The following APP variants were observed in gnomAD, a reference collection of about 807,000 sequenced individuals.
The protein encoded by APP is amyloid beta precursor protein.
Under a neutral mutation model 101.4 loss-of-function variants are expected in APP, and 31 were observed. That is an observed-to-expected ratio of 0.31 (90% confidence interval 0.23 to 0.41). The LOEUF is 0.41. APP is among the 10% of genes least tolerant of loss of function. The probability of loss-of-function intolerance (pLI) is 1.00; values close to 1 mark genes in which losing one functional copy is unlikely to be tolerated. For synonymous variants in APP, 366 were observed against 364.4 expected (o/e 1.00, Z -0.05); for missense variants, 839 against 1,003.7 (o/e 0.84, Z 2.22).
intron 15 of APP, among the ~76,000 whole-genome samples, chr21:25,903,074 T>C (rs145089374): frequency 0.013 from 1,133 of 89,782 alleles, 17 homozygotes; most frequent in African/African-American, 0.046. Flanking sequence ...AAAAATTTTT[T>C]TTAAAAGAAT....
At chr21:25,915,894 T>C (rs2039324145) in intron 13 of APP, among the ~76,000 whole-genome samples, 1 of 152,132 alleles carries the variant, frequency 6.6e-6, no homozygotes, top group African/African-American at 2.4e-5. Context: ...ATTATATTCA[T>C]TTTCAGAAAA....
chr21:26,089,750 G>A, intron 3 of APP, 193 bp downstream of exon 3: 1 of 680,254 alleles, frequency 1.5e-6, no homozygotes, highest in East Asian at 3.1e-5. Flanking sequence ...TTCTGAGGCA[G>A]GGAACTCAAA....
rs34800671 is a variant in APP, at chr21:25,970,006, A to AAG, written c.1458+5062_1458+5063dup. Among the ~76,000 whole-genome samples, 1,132 of 146,682 alleles carry AAG rather than the reference A, an allele frequency of 7.7e-3. 11 individuals carry two copies. The highest frequency in any genetic ancestry group is 0.026 in the African/African-American group (1,019 of 39,696). ...GGCAGGAGAGAAAGAGAAACAGAGA[A>AAG]AGAGAGAGAGAGAGAGAAAATAAAT... is the stretch of plus-strand genomic sequence containing the variant. On this transcript the variant is annotated intron_variant, in intron 11 of 17. Transcript: ENST00000346798.
chr21:26,102,325 G>A (rs921245849), intron 2 of APP, among the ~76,000 whole-genome samples: 5 of 151,972 alleles, frequency 3.3e-5, no homozygotes, highest in Middle Eastern at 6.8e-3. Context: ...TCCTGACCTC[G>A]TGATCTGCCC....
chr21:26,035,551 C>A (rs944600699), intron 5 of APP, among the ~76,000 whole-genome samples: 1 of 152,150 alleles, frequency 6.6e-6, no homozygotes, highest in African/African-American at 2.4e-5. Context: ...TTAGTTGTTA[C>A]CCGTTATCAA....
chr21:26,129,526 C>T (rs2062750558), intron 1 of APP, among the ~76,000 whole-genome samples: 1 of 151,740 alleles, frequency 6.6e-6, no homozygotes, highest in African/African-American at 2.4e-5. Context: ...TGAACTAAAT[C>T]ATGGTGGTTT....
intron 3 of APP, among the ~76,000 whole-genome samples, chr21:26,059,888 C>T (rs2046198011): frequency 1.4e-5 from 1 of 69,258 alleles, no homozygotes; most frequent in African/African-American, 6.7e-5. Flanking sequence ...GAGACTCCGT[C>T]TCAAAAAAAA....
intron 1 of APP, among the ~76,000 whole-genome samples, chr21:26,139,835 G>C (rs1312503467): frequency 6.6e-6 from 1 of 152,094 alleles, no homozygotes; most frequent in Non-Finnish European, 1.5e-5. Context: ...AGCCAATATC[G>C]GGCCACTGCA....
intron 11 of APP, among the ~76,000 whole-genome samples, chr21:25,957,253 A>G (rs2041360741): frequency 6.6e-6 from 1 of 152,234 alleles, no homozygotes; most frequent in Non-Finnish European, 1.5e-5. Flanking sequence ...GAATTTACAA[A>G]TCAGAGGATG....
At chr21:25,922,994 A>T (rs214493) in intron 13 of APP, among the ~76,000 whole-genome samples, 98,665 of 143,656 alleles carry the variant, frequency 0.69, 38,346 homozygotes, top group Non-Finnish European at 0.87. Flanking sequence ...ACAAGGCTAC[A>T]GTAACCGAAA....
chr21:25,993,751 T>A (rs774933686), intron 8 of APP, among the ~76,000 whole-genome samples: 1 of 152,196 alleles, frequency 6.6e-6, no homozygotes, highest in African/African-American at 2.4e-5. Flanking sequence ...TAGAACAGGA[T>A]TCTCAACCAG....
intron 2 of APP, among the ~76,000 whole-genome samples, chr21:26,103,184 C>T (rs967077861): frequency 6.6e-6 from 1 of 152,162 alleles, no homozygotes; most frequent in Admixed American, 6.5e-5. Flanking sequence ...TTAAGTCATA[C>T]TATGGATTTA....
intron 5 of APP, among the ~76,000 whole-genome samples, chr21:26,044,727 T>C (rs1434972913): frequency 6.6e-6 from 1 of 152,118 alleles, no homozygotes; most frequent in East Asian, 1.9e-4. Flanking sequence ...TTAGTAGGGA[T>C]GGGCTTTCTC....
At chr21:26,047,949 C>A (rs1293860051) in intron 5 of APP, among the ~76,000 whole-genome samples, 1 of 152,144 alleles carries the variant, frequency 6.6e-6, no homozygotes, top group East Asian at 1.9e-4. Flanking sequence ...TTCAGATATA[C>A]TGGATTAAAT....
chr21:25,948,161 A>ATTTTTTT (rs59620258), intron 13 of APP, among the ~76,000 whole-genome samples: 1 of 147,434 alleles, frequency 6.8e-6, no homozygotes, highest in African/African-American at 2.5e-5. Flanking sequence ...TGCTGTTATG[A>ATTTTTTT]TTTTTTTTTT....
chr21:26,069,064 T>C (rs560506788), intron 3 of APP, among the ~76,000 whole-genome samples: 47 of 152,300 alleles, frequency 3.1e-4, no homozygotes, highest in South Asian at 1.7e-3. Flanking sequence ...GAACTAACAC[T>C]GAACATTGTG....
At chr21:25,980,131 CT>C (rs1178909353) in intron 9 of APP, among the ~76,000 whole-genome samples, 1 of 152,104 alleles carries the variant, frequency 6.6e-6, no homozygotes, top group Admixed American at 6.5e-5. Flanking sequence ...GCAGAGTGGC[CT>C]GATCAGAACA....
chr21:26,040,567 A>G (rs2045327418), intron 5 of APP, among the ~76,000 whole-genome samples: 2 of 149,994 alleles, frequency 1.3e-5, no homozygotes, highest in African/African-American at 4.9e-5. Context: ...ACACCACTGC[A>G]CTCCAGCCTG....
chr21:26,110,821 G>A (rs2062301416), intron 2 of APP, among the ~76,000 whole-genome samples: 1 of 151,982 alleles, frequency 6.6e-6, no homozygotes, highest in Non-Finnish European at 1.5e-5. Flanking sequence ...ATGTTGCCAG[G>A]CTATCTGCTG....
Sources: gnomAD v4.1 joint callset for allele counts (sites outside exome capture counted in the v4.1 genomes callset) on GRCh38, gnomAD v4.1.1 for gene constraint, MANE v1.5 for transcripts, NCBI Gene and HGNC (gene_info 2026-07-23, HGNC 2026-07-21) for gene names.